Variants in CDC42SE2 observed in about 807,000 individuals in gnomAD.
CDC42SE2 encodes the protein CDC42 small effector protein 2.
Under a neutral mutation model 11.5 loss-of-function variants are expected in CDC42SE2, and 3 were observed. The ratio of observed to expected loss-of-function variants is 0.26; its 90% confidence interval spans 0.12 to 0.67. The LOEUF (loss-of-function observed/expected upper bound fraction) is 0.67, where lower values mean the gene tolerates loss of function less well. CDC42SE2 is among the 30% of genes least tolerant of loss of function. CDC42SE2 has a pLI of 0.80. For missense variants in CDC42SE2, 82 were observed against 106.8 expected (o/e 0.77, Z 1.02); for synonymous variants, 33 against 34.8 (o/e 0.95, Z 0.18).
chr5:131,315,068 G>T (rs1452372843), intron 1 of CDC42SE2, among the ~76,000 whole-genome samples: 2 of 152,070 alleles, frequency 1.3e-5, no homozygotes, highest in Admixed American at 6.6e-5. Flanking sequence ...CTTTATGTTT[G>T]TGGCTTGAGC....
At chr5:131,289,565 C>G (rs1319398414) in intron 1 of CDC42SE2, among the ~76,000 whole-genome samples, 2 of 151,914 alleles carry the variant, frequency 1.3e-5, no homozygotes, top group African/African-American at 4.8e-5. Context: ...CCCAGCTACT[C>G]TGGAGGCTGA....
At chr5:131,387,435 C>T (rs1750520632) in intron 4 of CDC42SE2, among the ~76,000 whole-genome samples, 1 of 151,988 alleles carries the variant, frequency 6.6e-6, no homozygotes, top group African/African-American at 2.4e-5. Context: ...CCTGTGGTTC[C>T]AGCTGTTTGG....
rs368860738 is a variant in CDC42SE2 at position 131,356,406 on chromosome 5, A to G, written c.-285-2803A>G. On this transcript the variant is annotated intron_variant, in intron 2 of 4. Coordinates refer to ENST00000505065, the MANE Select transcript of CDC42SE2 (RefSeq NM_001375635.1). ...GTGTTTATATGTAAATATGTTTTAC[A>G]TATATATACTTTAGAAACCTGTTCT... Among the ~76,000 whole-genome samples, 11 of 152,212 alleles carry G rather than the reference A, an allele frequency of 7.2e-5. No homozygotes were observed. The East Asian group carries it at 1.7e-3, about 24-fold the overall frequency.
chr5:131,326,325 G>T (rs528091686), intron 2 of CDC42SE2, among the ~76,000 whole-genome samples: 2 of 151,978 alleles, frequency 1.3e-5, no homozygotes, highest in Non-Finnish European at 2.9e-5. Flanking sequence ...GGATGGTCTC[G>T]ATCTCCTGAC....
intron 2 of CDC42SE2, among the ~76,000 whole-genome samples, chr5:131,347,239 G>C (rs1758869858): frequency 6.6e-6 from 1 of 152,046 alleles, no homozygotes. Context: ...CAACAAAATT[G>C]ATAGACCGCT....
chr5:131,249,857 T>A (rs1398020428), intron 1 of CDC42SE2, among the ~76,000 whole-genome samples: 1 of 152,062 alleles, frequency 6.6e-6, no homozygotes, highest in Non-Finnish European at 1.5e-5. Flanking sequence ...CACTCCAGTC[T>A]GGACAACAGA....
At chr5:131,390,274 T>C (rs1051760501) in intron 4 of CDC42SE2, among the ~76,000 whole-genome samples, 3 of 152,248 alleles carry the variant, frequency 2.0e-5, no homozygotes, top group African/African-American at 7.2e-5. Context: ...GATTTATCTT[T>C]GGTTGGTCCA....
the CDC42SE2 span, among the ~76,000 whole-genome samples, chr5:131,216,599 G>A: frequency 1.3e-5 from 2 of 151,960 alleles, no homozygotes; most frequent in Admixed American, 1.3e-4. Flanking sequence ...CATTGACACA[G>A]GGTGAGGATA....
intron 1 of CDC42SE2, among the ~76,000 whole-genome samples, chr5:131,283,523 C>T (rs1270950748): frequency 3.4e-4 from 50 of 148,824 alleles, no homozygotes; most frequent in Admixed American, 1.0e-3. Flanking sequence ...GATGGAGTTT[C>T]GCTCTTGTTA....
At chr5:131,337,883 T>C (rs1561589771) in intron 2 of CDC42SE2, among the ~76,000 whole-genome samples, 1 of 152,220 alleles carries the variant, frequency 6.6e-6, no homozygotes, top group East Asian at 1.9e-4. Context: ...TTTCTTTGAC[T>C]AGGAAAGGGA....
intron 1 of CDC42SE2, among the ~76,000 whole-genome samples, chr5:131,266,990 C>A (rs1580720457): frequency 8.5e-6 from 1 of 117,390 alleles, no homozygotes. Context: ...ATAAGCACAT[C>A]ATCAGAATTC....
intron 2 of CDC42SE2, among the ~76,000 whole-genome samples, chr5:131,322,017 A>G (rs982155467): frequency 2.0e-5 from 3 of 151,828 alleles, no homozygotes; most frequent in African/African-American, 7.3e-5. Flanking sequence ...CGCCTGGCTA[A>G]TTTTTTGTAT....
chr5:131,363,578 T>C (rs2149773782), intron 3 of CDC42SE2, among the ~76,000 whole-genome samples: 1 of 152,026 alleles, frequency 6.6e-6, no homozygotes, highest in Middle Eastern at 3.4e-3. Context: ...GGTTTCTCCA[T>C]GTTAGCCAGG....
chr5:131,243,814 G>A (rs562491617), upstream of CDC42SE2, among the ~76,000 whole-genome samples: 11 of 152,182 alleles, frequency 7.2e-5, no homozygotes, highest in Non-Finnish European at 1.3e-4. Flanking sequence ...GTGAGAAAGC[G>A]GATGAATTGT....
chr5:131,375,675 G>C (rs530932162), intron 3 of CDC42SE2, among the ~76,000 whole-genome samples: 1 of 152,272 alleles, frequency 6.6e-6, no homozygotes, highest in South Asian at 2.1e-4. Context: ...TATAGAAGAA[G>C]TTTATTATTT....
At chr5:131,376,689 C>A (rs1447274761) in intron 3 of CDC42SE2, among the ~76,000 whole-genome samples, 1 of 152,024 alleles carries the variant, frequency 6.6e-6, no homozygotes, top group Non-Finnish European at 1.5e-5. Context: ...TCTGTTGTTG[C>A]CTTCTTTGTG....
At chr5:131,262,615 C>A (rs1241128693), upstream of CDC42SE2, among the ~76,000 whole-genome samples, 1 of 152,014 alleles carries the variant, frequency 6.6e-6, no homozygotes, top group Non-Finnish European at 1.5e-5. Context: ...GGGGGATTGG[C>A]TCTAGGACCA....
Position 131,310,461 on chromosome 5 carries a change from G to C in CDC42SE2, c.-454-5515G>C, listed in dbSNP as rs536247539. 3.3e-5 allele frequency among the ~76,000 whole-genome samples: 5 copies of C among 152,132 alleles called. No homozygotes were observed. In the South Asian group the frequency reaches 1.0e-3, roughly 32 times the overall value. ...GGAGAGTTCTGTAGATGTCTATTAGGTCTGCTTGGTGCAGAGCTGAGTTCA... is the reference window on the plus strand; with the variant it reads ...GGAGAGTTCTGTAGATGTCTATTAGCTCTGCTTGGTGCAGAGCTGAGTTCA... On this transcript the variant is annotated intron_variant, in intron 1 of 4. Coordinates refer to ENST00000505065, the MANE Select transcript of CDC42SE2 (RefSeq NM_001375635.1).
At chr5:131,363,141 TA>T (rs758946677) in intron 3 of CDC42SE2, among the ~76,000 whole-genome samples, 473 of 139,490 alleles carry the variant, frequency 3.4e-3, no homozygotes, top group East Asian at 0.018. Flanking sequence ...AGACTCTATC[TA>T]AAAAAAAAAA....
Sources: gnomAD v4.1 joint callset for allele counts (sites outside exome capture counted in the v4.1 genomes callset) on GRCh38, gnomAD v4.1.1 for gene constraint, MANE v1.5 for transcripts, NCBI Gene and HGNC (gene_info 2026-07-23, HGNC 2026-07-21) for gene names.